Variants in DYSF observed in about 807,000 individuals in gnomAD.
DYSF encodes the protein dysferlin.
In DYSF, 212 loss-of-function variants were observed where a neutral mutation model predicts 274.9. The ratio of observed to expected loss-of-function variants is 0.77; its 90% CI spans 0.69 to 0.86. The LOEUF (loss-of-function observed/expected upper bound fraction) is 0.86. Among genes scored for constraint, DYSF ranks in the 40% least tolerant of loss-of-function variants. DYSF has a pLI of 0.00. For missense variants in DYSF, 2,666 were observed against 2,783.2 expected (o/e 0.96, Z 0.95); for synonymous variants, 1,091 against 1,078.7 (o/e 1.01, Z -0.22).
At chr2:71,548,684 G>C (rs1416788450) in intron 17 of DYSF, among the ~76,000 whole-genome samples, 1 of 152,228 alleles carries the variant, frequency 6.6e-6, no homozygotes, top group Non-Finnish European at 1.5e-5. Context: ...GCACACCCAA[G>C]TGTGTAGCGT....
chr2:71,686,351 G>C, intron 55 of DYSF, 103 bp from the exon 56 acceptor site: 1 of 1,453,094 alleles, frequency 6.9e-7, no homozygotes, highest in Admixed American at 1.7e-5. Flanking sequence ...TTGCCTGTTG[G>C]CAGCTTAGCC....
chr2:71,574,919 C>T (rs115788370), intron 30 of DYSF, among the ~76,000 whole-genome samples: 2,564 of 152,150 alleles, frequency 0.017, 67 homozygotes, highest in African/African-American at 0.057. Flanking sequence ...GCCGGGGTGA[C>T]GGGCTCCCCA....
chr2:71,551,150 A>G lies in DYSF; in HGVS notation c.1686A>G (p.Thr562=), dbSNP rs1178474903. 3 of 1,614,006 alleles carry G rather than the reference A, an allele frequency of 1.9e-6. No homozygotes were observed. In the East Asian group the frequency reaches 6.7e-5, roughly 36 times the overall value. Residue 562 remains threonine (T), a synonymous_variant, in exon 18 of 56, where the codon ACA becomes ACG. Transcript: ENST00000410020. ...GFPDPYTELN[T]GKGEGVAYRG... ...CAGACCCCTACACAGAGCTCAACAC[A>G]GGCAAGGTAAGCCGGCTGGAGCCCT...
intron 5 of DYSF, among the ~76,000 whole-genome samples, chr2:71,512,196 G>A (rs2086171725): frequency 6.6e-6 from 1 of 152,212 alleles, no homozygotes; most frequent in Middle Eastern, 3.2e-3. Flanking sequence ...TGGGGACGGG[G>A]CTGAGCCCAG....
intron 35 of DYSF, 116 bp from the exon 36 acceptor site, chr2:71,602,660 T>C: frequency 9.3e-7 from 1 of 1,080,904 alleles, no homozygotes; most frequent in Non-Finnish European, 1.4e-6. Context: ...TGGTGGCATC[T>C]GGCATGCTGA....
intron 42 of DYSF, among the ~76,000 whole-genome samples, chr2:71,652,557 T>C (rs547538855): frequency 6.6e-6 from 1 of 152,338 alleles, no homozygotes; most frequent in African/African-American, 2.4e-5. Context: ...AGTAAAAGTC[T>C]TGTGTAAGTT....
chr2:71,467,004 A>C, intron 1 of DYSF, 71 bp downstream of exon 1: 1 of 1,525,466 alleles, frequency 6.6e-7, no homozygotes, highest in African/African-American at 1.4e-5. Context: ...GGCGGGTCTG[A>C]AGCCCCTGCT....
At chr2:71,556,210 C>A (rs2091328521) in intron 22 of DYSF, 139 bp downstream of exon 22, 2 of 725,498 alleles carry the variant, frequency 2.8e-6, no homozygotes, top group African/African-American at 1.7e-5. Context: ...CGTGCTGAGT[C>A]CAAAGGTGGT....
intron 17 of DYSF, among the ~76,000 whole-genome samples, chr2:71,544,907 G>T (rs1205249994): frequency 2.0e-5 from 3 of 152,180 alleles, no homozygotes; most frequent in Non-Finnish European, 4.4e-5. Context: ...GGGCATAGAG[G>T]GTTGAACAAA....
chr2:71,553,510 C>T (rs1217220397), intron 20 of DYSF, among the ~76,000 whole-genome samples: 1 of 152,116 alleles, frequency 6.6e-6, no homozygotes, highest in Non-Finnish European at 1.5e-5. Flanking sequence ...CTAACATCTC[C>T]TCAGTTTTGA....
intron 2 of DYSF, among the ~76,000 whole-genome samples, chr2:71,481,581 G>A (rs1314995988): frequency 1.3e-5 from 2 of 152,200 alleles, no homozygotes; most frequent in Non-Finnish European, 2.9e-5. Flanking sequence ...TTGGCTTCCT[G>A]GGGATGGGTT....
Position 71,668,818 on chromosome 2 carries a change from A to G in DYSF, c.5522A>G (p.Asn1841Ser), listed in dbSNP as rs372204057. Residue 1841 changes from asparagine (N) to serine (S), a missense_variant, in exon 49 of 56, where the codon AAC becomes AGC. By Grantham distance (46) the Asn-to-Ser change is conservative (BLOSUM62 1). Coordinates refer to ENST00000410020, the MANE Select transcript of DYSF (RefSeq NM_001130987.2). ...KALGRPGPPF[N>S]ITPRRARRFF... ...CTGGGGCGGCCTGGACCTCCCTTCA[A>G]CATCACCCCACGGAGAGCCAGAAGG... 1.5e-5 allele frequency: 25 copies of G among 1,613,614 alleles called. No homozygotes were observed. The highest frequency in any genetic ancestry group is 1.2e-4 in the African/African-American group (9 of 74,916).
At chr2:71,662,786 T>C (rs1440062796) in intron 45 of DYSF, among the ~76,000 whole-genome samples, 4 of 151,598 alleles carry the variant, frequency 2.6e-5, no homozygotes, top group African/African-American at 7.3e-5. Context: ...TGTGTATGTG[T>C]GTTTGTGTCT....
chr2:71,501,459 A>G (rs2084961040), intron 3 of DYSF, among the ~76,000 whole-genome samples: 1 of 152,244 alleles, frequency 6.6e-6, no homozygotes, highest in Admixed American at 6.5e-5. Context: ...ATTTGTGAGC[A>G]TACATTTCAG....
Position 71,679,044 on chromosome 2 carries a change from C to A in DYSF, c.5885-13C>A, listed in dbSNP as rs1335900592. ...CGAGAAACCCTTGGCCAAAAACTAC[C>A]TCTCTGTTGCAGGCTCCCTGCAGCT... On this transcript the variant is annotated splice_polypyrimidine_tract_variant and intron_variant, in intron 52 of 55. Coordinates refer to ENST00000410020, the MANE Select transcript of DYSF (RefSeq NM_001130987.2). The A allele has an allele frequency of 6.2e-7, 1 of 1,613,846 alleles. No individual in the cohort carries two copies. Among genetic ancestry groups the A allele is most frequent in the East Asian group, 2.2e-5 (1 of 44,868 alleles).
At chr2:71,610,255 C>G (rs2093725599) in intron 36 of DYSF, among the ~76,000 whole-genome samples, 1 of 152,228 alleles carries the variant, frequency 6.6e-6, no homozygotes, top group African/African-American at 2.4e-5. Context: ...GCTAATAGTC[C>G]TGTTGAAGGT....
At position 71,680,746 on chromosome 2, in the gene DYSF, T is replaced by A. The variant is rs115937230; in HGVS notation, c.6064-255T>A. 5.4e-3 allele frequency among the ~76,000 whole-genome samples: 821 copies of A among 152,282 alleles called. 7 individuals carry two copies. The highest frequency in any genetic ancestry group is 0.013 in the East Asian group (66 of 5,180). The stretch of plus-strand genomic sequence containing the variant: ...ACATTTCATAAGCTTGCAGAGAAAA[T>A]CAGCTATGATGCATGCAAATGTTAA... On this transcript the variant is annotated intron_variant, in intron 53 of 55. Coordinates refer to ENST00000410020, the MANE Select transcript of DYSF (RefSeq NM_001130987.2).
chr2:71,475,284 A>G (rs2082319817), intron 1 of DYSF, among the ~76,000 whole-genome samples: 3 of 152,168 alleles, frequency 2.0e-5, no homozygotes. Context: ...CTTGTGAGGA[A>G]GTCAACTTGC....
intron 45 of DYSF, 71 bp from the exon 46 acceptor site, chr2:71,664,197 C>T: frequency 4.4e-6 from 7 of 1,605,174 alleles, no homozygotes; most frequent in Non-Finnish European, 5.1e-6. Context: ...TAGTTTCGAG[C>T]TCTTGTCCTG....
Sources: gnomAD v4.1 joint callset for allele counts (sites outside exome capture counted in the v4.1 genomes callset) on GRCh38, gnomAD v4.1.1 for gene constraint, MANE v1.5 for transcripts, NCBI Gene and HGNC (gene_info 2026-07-23, HGNC 2026-07-21) for gene names.